Variants in ARHGEF28 observed in about 807,000 individuals in gnomAD.
The protein encoded by ARHGEF28 is 190 kDa guanine nucleotide exchange factor.
Under a neutral mutation model 206.6 loss-of-function variants are expected in ARHGEF28, and 152 were observed. The observed-to-expected ratio is 0.74, with a 90% CI of 0.64 to 0.84. The LOEUF is 0.84. ARHGEF28 is among the 40% of genes least tolerant of loss of function. The pLI, the probability that ARHGEF28 is intolerant of heterozygous loss-of-function variation, is 0.00. For synonymous variants in ARHGEF28, 763 were observed against 776.4 expected (o/e 0.98, Z 0.29); for missense variants, 2,028 against 2,073.2 (o/e 0.98, Z 0.42).
Position 73,846,280 on chromosome 5 carries a change from T to C in ARHGEF28, c.1440T>C (p.Asp480=). 1 of 1,613,516 alleles carries C rather than the reference T, an allele frequency of 6.2e-7. No individual in the cohort carries two copies. The highest frequency in any genetic ancestry group is 1.1e-5 in the South Asian group (1 of 91,052). ...CTTTGTGCTTTAGTTCTAGCCTTGA[T>C]GCCTTGGACGCCGACAGTGAAGGGG... is the stretch of plus-strand genomic sequence containing the variant. ...SHLKKRSSSL[D]ALDADSEGEG... is the part of the protein sequence containing the mutation. The change falls in exon 12 of 36, where the codon GAT becomes GAC. Residue 480 remains aspartate (D), a synonymous_variant. Transcript: ENST00000513042.
intron 9 of ARHGEF28, among the ~76,000 whole-genome samples, chr5:73,831,754 C>T (rs552507843): frequency 3.2e-4 from 48 of 152,358 alleles, no homozygotes; most frequent in South Asian, 6.2e-4. Context: ...TGCAATGGCA[C>T]GGTCTCGGCT....
At chr5:73,745,813 C>T (rs1751689803) in intron 2 of ARHGEF28, among the ~76,000 whole-genome samples, 1 of 151,988 alleles carries the variant, frequency 6.6e-6, no homozygotes, top group Admixed American at 6.5e-5. Context: ...ACTTGGGAAA[C>T]TAAAAATTTT....
intron 2 of ARHGEF28, among the ~76,000 whole-genome samples, chr5:73,747,431 C>T (rs1456653829): frequency 6.6e-6 from 1 of 152,206 alleles, no homozygotes; most frequent in Non-Finnish European, 1.5e-5. Flanking sequence ...CTTGCATATT[C>T]TTTCAGAAGG....
intron 35 of ARHGEF28, among the ~76,000 whole-genome samples, chr5:73,933,536 T>C (rs12652554): frequency 0.14 from 21,639 of 152,238 alleles, 2,013 homozygotes; most frequent in East Asian, 0.44. Context: ...ATATCAGATA[T>C]ATAGAAGCTA....
intron 4 of ARHGEF28, among the ~76,000 whole-genome samples, chr5:73,757,868 T>G (rs534110635): frequency 9.8e-5 from 15 of 152,350 alleles, no homozygotes; most frequent in Non-Finnish European, 1.6e-4. Context: ...TCACAATTTA[T>G]TTTTATTTTT....
intron 35 of ARHGEF28, among the ~76,000 whole-genome samples, chr5:73,926,974 A>G (rs1192144465): frequency 1.3e-5 from 2 of 152,118 alleles, no homozygotes; most frequent in African/African-American, 2.4e-5. Flanking sequence ...ATTAAAGAGG[A>G]GTTAATTACA....
intron 2 of ARHGEF28, among the ~76,000 whole-genome samples, chr5:73,725,070 C>T (rs777939459): frequency 4.1e-5 from 6 of 145,648 alleles, no homozygotes; most frequent in Non-Finnish European, 7.4e-5. Context: ...TTAAAAAAAA[C>T]CCTTAATTCC....
chr5:73,780,047 A>G (rs1176668786), intron 6 of ARHGEF28, among the ~76,000 whole-genome samples: 1 of 152,184 alleles, frequency 6.6e-6, no homozygotes, highest in Non-Finnish European at 1.5e-5. Context: ...CTTACTATTC[A>G]GCACATCAAT....
intron 1 of ARHGEF28, among the ~76,000 whole-genome samples, chr5:73,653,808 C>T (rs957389066): frequency 2.0e-5 from 3 of 152,188 alleles, no homozygotes; most frequent in African/African-American, 7.2e-5. Context: ...CCAGGTTTGG[C>T]ATTCCTGCCC....
At position 73,849,034 on chromosome 5, in the gene ARHGEF28, C is replaced by A; in HGVS notation, c.1694C>A (p.Ser565Tyr). 1 of 1,580,232 alleles carries A rather than the reference C, an allele frequency of 6.3e-7. No homozygotes were observed. The highest frequency in any genetic ancestry group is 8.6e-7 in the Non-Finnish European group (1 of 1,161,006). ...RSYSCSSPKI[S>Y]LGKTRLVREL... ...TATTCTTGCTCATCACCCAAAATTT[C>A]TTTAGGAAAAACTCGTTTGGTGCGT... is the stretch of plus-strand genomic sequence containing the variant. The change falls in exon 13 of 36, where the codon TCT becomes TAT. Residue 565 changes from serine to tyrosine, a missense_variant. Transcript: ENST00000513042.
At chr5:73,841,279 G>T (rs980469885) in intron 11 of ARHGEF28, among the ~76,000 whole-genome samples, 1 of 152,076 alleles carries the variant, frequency 6.6e-6, no homozygotes, top group Admixed American at 6.6e-5. Context: ...ACATCTGCAT[G>T]CATAATAACA....
chr5:73,900,890 T>G (rs1458828557), intron 30 of ARHGEF28: 2 of 258,220 alleles, frequency 7.7e-6, no homozygotes, highest in Non-Finnish European at 1.5e-5. Flanking sequence ...GATTCTACCC[T>G]CTGTAACACA....
intron 1 of ARHGEF28, among the ~76,000 whole-genome samples, chr5:73,637,783 T>C (rs1743819208): frequency 6.6e-6 from 1 of 152,228 alleles, no homozygotes; most frequent in Non-Finnish European, 1.5e-5. Context: ...TGAGGAGCTC[T>C]CAATGCTGAC....
At chr5:73,699,876 T>G (rs10515161) in intron 2 of ARHGEF28, among the ~76,000 whole-genome samples, 112,186 of 152,098 alleles carry the variant, frequency 0.74, 41,528 homozygotes, top group East Asian at 0.82. Flanking sequence ...CTATTTAAAT[T>G]TACTTGACCA....
chr5:73,879,674 G>A (rs1760775457), intron 22 of ARHGEF28, among the ~76,000 whole-genome samples: 1 of 152,188 alleles, frequency 6.6e-6, no homozygotes. Context: ...GTCTGTTGGA[G>A]TTTGCTAGAG....
intron 9 of ARHGEF28, among the ~76,000 whole-genome samples, chr5:73,819,518 T>C (rs1756441510): frequency 6.6e-6 from 1 of 152,196 alleles, no homozygotes; most frequent in African/African-American, 2.4e-5. Flanking sequence ...GTGGGTGATG[T>C]CTTCTTTCTT....
At chr5:73,746,282 G>A (rs1751712757) in intron 2 of ARHGEF28, among the ~76,000 whole-genome samples, 1 of 152,060 alleles carries the variant, frequency 6.6e-6, no homozygotes, top group African/African-American at 2.4e-5. Context: ...ACGAACAGTA[G>A]ATGAATATTT....
intron 35 of ARHGEF28, among the ~76,000 whole-genome samples, chr5:73,913,599 G>T (rs1763034678): frequency 6.6e-6 from 1 of 152,172 alleles, no homozygotes; most frequent in Non-Finnish European, 1.5e-5. Context: ...AGTGACTGCG[G>T]GGGGCCGGAC....
intron 14 of ARHGEF28, among the ~76,000 whole-genome samples, chr5:73,854,156 C>A (rs1323288340): frequency 6.6e-6 from 1 of 152,052 alleles, no homozygotes; most frequent in Non-Finnish European, 1.5e-5. Context: ...CCACTCTATT[C>A]CTGCTATCTT....
Sources: gnomAD v4.1 joint callset for allele counts (sites outside exome capture counted in the v4.1 genomes callset) on GRCh38, gnomAD v4.1.1 for gene constraint, MANE v1.5 for transcripts, NCBI Gene and HGNC (gene_info 2026-07-23, HGNC 2026-07-21) for gene names.